Variants in CDIN1 observed in about 807,000 individuals in gnomAD.
The protein encoded by CDIN1 is CDAN1-interacting nuclease 1.
Under a neutral mutation model 45.3 loss-of-function variants are expected in CDIN1, and 33 were observed. The ratio of observed to expected loss-of-function variants is 0.73; its 90% CI spans 0.55 to 0.97. The LOEUF is 0.97. Ranked by LOEUF, CDIN1 falls within the 50% of genes least tolerant of loss-of-function variation. The probability of loss-of-function intolerance (pLI) is 0.00; values close to 1 mark genes in which losing one functional copy is unlikely to be tolerated. For synonymous variants in CDIN1, 118 were observed against 124.4 expected, an observed-to-expected ratio of 0.95 and a Z score of 0.34; for missense variants, 303 against 339.4, an observed-to-expected ratio of 0.89 and a Z score of 0.84.
chr15:36,709,128 T>C, intron 8 of CDIN1, 95 bp from the exon 9 acceptor site: 2 of 1,032,084 alleles, frequency 1.9e-6, no homozygotes, highest in Admixed American at 2.8e-5. Context: ...ACTACAGTAG[T>C]AATTTTTATA....
intron 3 of CDIN1, among the ~76,000 whole-genome samples, chr15:36,647,393 T>C (rs62002298): frequency 0.027 from 4,183 of 152,258 alleles, 72 homozygotes; most frequent in Non-Finnish European, 0.041. Context: ...AATACATAAA[T>C]AGATTTCTTT....
intron 10 of CDIN1, among the ~76,000 whole-genome samples, chr15:36,806,366 C>T (rs1014569405): frequency 6.6e-6 from 1 of 151,956 alleles, no homozygotes; most frequent in Non-Finnish European, 1.5e-5. Context: ...CTCACTTGCT[C>T]AGTGCTGGTG....
At chr15:36,586,744 ACT>A (rs2037319971) in intron 1 of CDIN1, among the ~76,000 whole-genome samples, 1 of 152,202 alleles carries the variant, frequency 6.6e-6, no homozygotes, top group South Asian at 2.1e-4. Flanking sequence ...ACATAGCTGT[ACT>A]CCAGCATGGG....
rs1435329024 is a variant in CDIN1 at position 36,692,112 on chromosome 15, T to C, written c.427-14T>C. On this transcript the variant is annotated splice_polypyrimidine_tract_variant and intron_variant, in intron 6 of 10. Transcript: ENST00000566621. ...GCCGCCCCACCCCAGACCCCTTTTC[T>C]TATTTGTCTGCAGTGCATTGTGAAC... The C allele has an allele frequency of 6.2e-7, 1 of 1,613,364 alleles. No homozygotes were observed. The highest frequency in any genetic ancestry group is 8.5e-7 in the Non-Finnish European group (1 of 1,179,648).
chr15:36,729,076 T>C (rs2043747539), intron 10 of CDIN1, among the ~76,000 whole-genome samples: 1 of 152,222 alleles, frequency 6.6e-6, no homozygotes, highest in African/African-American at 2.4e-5. Context: ...TTAAACCTTG[T>C]TTTCTATTTA....
intron 10 of CDIN1, among the ~76,000 whole-genome samples, chr15:36,778,397 C>T (rs2054272340): frequency 6.6e-6 from 1 of 152,198 alleles, no homozygotes; most frequent in Non-Finnish European, 1.5e-5. Flanking sequence ...ATTTTACCCT[C>T]TGCTACCTAC....
intron 7 of CDIN1, among the ~76,000 whole-genome samples, chr15:36,694,635 C>T (rs148226939): frequency 8.1e-4 from 123 of 152,222 alleles, no homozygotes; most frequent in African/African-American, 2.7e-3. Context: ...ACACCTTTCC[C>T]ACCACAGCTT....
At position 36,579,798 on chromosome 15, in the gene CDIN1, A is replaced by T. The variant is rs1370038368; in HGVS notation, c.-63A>T. 7 of 1,380,696 alleles carry T rather than the reference A, an allele frequency of 5.1e-6. No individual in the cohort carries two copies. In the Admixed American group the frequency reaches 1.4e-4, roughly 28 times the overall value. The allele number at this position is 1,380,696 out of a possible 1,614,324, so 85.5% of individuals were successfully genotyped here. ...GCCTACCCCTCATCCCTCGGCACCA[A>T]GGCTACTTGAGCCCCAGGGTGTTTT... is the stretch of plus-strand genomic sequence containing the variant. On this transcript the variant is annotated 5_prime_UTR_variant, in exon 1 of 11. The change creates a new upstream start codon in the 5' untranslated region. Coordinates refer to ENST00000566621, the MANE Select transcript of CDIN1 (RefSeq NM_001321759.2).
intron 10 of CDIN1, among the ~76,000 whole-genome samples, chr15:36,743,934 A>G (rs1296298551): frequency 3.3e-5 from 5 of 151,056 alleles, no homozygotes; most frequent in African/African-American, 1.2e-4. Context: ...CTGTAAACCC[A>G]TTGACTTAAA....
intron 10 of CDIN1, among the ~76,000 whole-genome samples, chr15:36,730,950 C>T (rs945282623): frequency 6.6e-6 from 1 of 152,036 alleles, no homozygotes; most frequent in Non-Finnish European, 1.5e-5. Context: ...AAACAAACGC[C>T]TGGCAACTCT....
chr15:36,630,059 C>T (rs1233821357), intron 1 of CDIN1, among the ~76,000 whole-genome samples: 3 of 152,056 alleles, frequency 2.0e-5, no homozygotes, highest in Non-Finnish European at 2.9e-5. Flanking sequence ...TGTTAGACCA[C>T]GAGATGGTTA....
At chr15:36,620,113 A>G (rs1299765709) in intron 1 of CDIN1, among the ~76,000 whole-genome samples, 1 of 152,112 alleles carries the variant, frequency 6.6e-6, no homozygotes, top group Non-Finnish European at 1.5e-5. Flanking sequence ...GCACTTTGGG[A>G]GGCCGAGGTG....
chr15:36,793,868 C>T (rs1389283495), intron 10 of CDIN1, among the ~76,000 whole-genome samples: 2 of 152,040 alleles, frequency 1.3e-5, no homozygotes, highest in East Asian at 1.9e-4. Flanking sequence ...AATGCTTTTC[C>T]GTGTTCTTTT....
chr15:36,806,702 A>G (rs999041395), intron 10 of CDIN1, among the ~76,000 whole-genome samples: 3 of 152,334 alleles, frequency 2.0e-5, no homozygotes, highest in African/African-American at 7.2e-5. Context: ...ATCTGAGATC[A>G]TTTGACACTA....
chr15:36,777,915 A>C (rs1162501029), intron 10 of CDIN1, among the ~76,000 whole-genome samples: 1 of 152,182 alleles, frequency 6.6e-6, no homozygotes, highest in African/African-American at 2.4e-5. Flanking sequence ...CCAGCATCTC[A>C]AGTCTTCAAA....
intron 10 of CDIN1, among the ~76,000 whole-genome samples, chr15:36,732,645 A>G (rs1339787577): frequency 6.6e-6 from 1 of 152,040 alleles, no homozygotes; most frequent in Non-Finnish European, 1.5e-5. Flanking sequence ...GGAAAGAAAG[A>G]TTTAAAGAGG....
intron 10 of CDIN1, among the ~76,000 whole-genome samples, chr15:36,716,553 C>A (rs1284401970): frequency 6.6e-6 from 1 of 152,156 alleles, no homozygotes; most frequent in African/African-American, 2.4e-5. Flanking sequence ...TCAAAGTTTA[C>A]TGTGTGTTAA....
At chr15:36,728,436 G>A (rs2043718483) in intron 10 of CDIN1, among the ~76,000 whole-genome samples, 2 of 152,046 alleles carry the variant, frequency 1.3e-5, no homozygotes, top group South Asian at 4.1e-4. Flanking sequence ...AAATGAGCAG[G>A]GCCTTGTAAA....
intron 1 of CDIN1, among the ~76,000 whole-genome samples, chr15:36,590,264 T>C (rs777781526): frequency 6.6e-6 from 1 of 152,192 alleles, no homozygotes; most frequent in Non-Finnish European, 1.5e-5. Context: ...CAATTTTTCA[T>C]CCAAAGTAAA....
Sources: gnomAD v4.1 joint callset for allele counts (sites outside exome capture counted in the v4.1 genomes callset) on GRCh38, gnomAD v4.1.1 for gene constraint, MANE v1.5 for transcripts, NCBI Gene and HGNC (gene_info 2026-07-23, HGNC 2026-07-21) for gene names.